The following MOSPD1 variants were observed in gnomAD, a reference collection of about 807,000 sequenced individuals.
MOSPD1 encodes the protein motile sperm domain-containing protein 1.
Under a neutral mutation model 16.7 loss-of-function variants are expected in MOSPD1, and 5 were observed. The observed-to-expected ratio is 0.30, with a 90% CI of 0.16 to 0.63. The LOEUF is 0.63. Among genes scored for constraint, MOSPD1 ranks in the 30% least tolerant of loss-of-function variants. The pLI is 0.82. For synonymous variants in MOSPD1, 67 were observed against 59.2 expected (o/e 1.13, Z -0.61); for missense variants, 104 against 153.6 (o/e 0.68, Z 1.71).
intron 4 of MOSPD1, among the ~76,000 whole-genome samples, chrX:134,893,345 T>C (rs1164968263): frequency 9.6e-6 from 1 of 104,125 alleles, no homozygotes; most frequent in Non-Finnish European, 2.0e-5. Flanking sequence ...CAGTTATTTA[T>C]GACAAGTACG....
intron 1 of MOSPD1, among the ~76,000 whole-genome samples, chrX:134,908,389 C>T (rs2082953837): frequency 8.9e-6 from 1 of 112,018 alleles, no homozygotes; most frequent in Non-Finnish European, 1.9e-5. Flanking sequence ...GGCTGCTCAC[C>T]ATGGGTTGGG....
intron 1 of MOSPD1, among the ~76,000 whole-genome samples, chrX:134,909,917 T>C (rs2082962293): frequency 9.2e-6 from 1 of 109,048 alleles, no homozygotes; most frequent in African/African-American, 3.4e-5. Context: ...AAAAAAAGAA[T>C]AACCTAATGT....
chrX:134,896,069 C>T (rs1399047491), intron 4 of MOSPD1, among the ~76,000 whole-genome samples: 1 of 111,230 alleles, frequency 9.0e-6, no homozygotes, highest in Non-Finnish European at 1.9e-5. Flanking sequence ...TATTCATGTA[C>T]CAGTATCACC....
chrX:134,902,516 G>C (rs770949726), intron 1 of MOSPD1, among the ~76,000 whole-genome samples: 8 of 111,270 alleles, frequency 7.2e-5, no homozygotes, highest in South Asian at 3.8e-4. Flanking sequence ...ACTAAGGCTA[G>C]ATGCGGTGGC....
Position 134,889,182 on chromosome X carries a change from T to G in MOSPD1, c.621A>C (p.Thr207=), listed in dbSNP as rs749292935. Residue 207 remains threonine, a synonymous_variant, in exon 6 of 6, where the codon ACA becomes ACC. Coordinates refer to ENST00000370783, the MANE Select transcript of MOSPD1 (RefSeq NM_019556.3). ...TTGCTCATGTTCTAAGTATGGCCAT[T>G]GTGATAAGACCTGAAAGAAGAAAAA... is the stretch of plus-strand genomic sequence containing the variant. ...LVAAYILGLI[T]MAILRT 24 of 1,194,157 alleles carry G rather than the reference T, an allele frequency of 2.0e-5. No homozygotes were observed. Among genetic ancestry groups the G allele is most frequent in the Non-Finnish European group, 2.6e-5 (23 of 884,807 alleles).
intron 1 of MOSPD1, among the ~76,000 whole-genome samples, chrX:134,909,193 C>G (rs936233563): frequency 9.2e-6 from 1 of 108,999 alleles, no homozygotes; most frequent in Non-Finnish European, 1.9e-5. Context: ...ATGGCGTGAA[C>G]CCGGGAGGCG....
At chrX:134,911,576 G>C (rs1197827042) in intron 1 of MOSPD1, among the ~76,000 whole-genome samples, 3 of 112,352 alleles carry the variant, frequency 2.7e-5, no homozygotes, top group African/African-American at 9.7e-5. Flanking sequence ...GCTTGCCTTG[G>C]CTTGTACGTG....
rs1381893642 is a variant in MOSPD1, at chrX:134,899,485, T to C, written c.-52A>G. The C allele has an allele frequency of 9.3e-7, 1 of 1,070,146 alleles. No homozygotes were observed. The highest frequency in any genetic ancestry group is 3.5e-5 in the Admixed American group (1 of 28,807). 88.2% of individuals were successfully genotyped at this position (1,070,146 alleles called of 1,213,427 possible). A position where few individuals can be genotyped will look rare whatever the true frequency, so the allele number is the denominator to read the frequency against. On this transcript the variant is annotated 5_prime_UTR_variant, in exon 2 of 6. Coordinates refer to ENST00000370783, the MANE Select transcript of MOSPD1 (RefSeq NM_019556.3). ...TTCTGTTTTTACAGTCTCAAATCTA[T>C]TTTGGACTTTTCTTAGATTCAGTTA...
At chrX:134,901,912 ATT>A (rs971300076) in intron 1 of MOSPD1, among the ~76,000 whole-genome samples, 1 of 112,234 alleles carries the variant, frequency 8.9e-6, no homozygotes, top group Non-Finnish European at 1.9e-5. Context: ...GCCTATCAAC[ATT>A]TTCTTAGTAA....
intron 4 of MOSPD1, among the ~76,000 whole-genome samples, chrX:134,896,083 A>T (rs1332719635): frequency 9.0e-6 from 1 of 111,720 alleles, no homozygotes; most frequent in African/African-American, 3.2e-5. Flanking sequence ...TATCACCATC[A>T]AAAAGTTTCC....
At chrX:134,910,418 TCA>T (rs1287884098) in intron 1 of MOSPD1, among the ~76,000 whole-genome samples, 1 of 109,430 alleles carries the variant, frequency 9.1e-6, no homozygotes, top group East Asian at 2.9e-4. Context: ...AAAAAAAAAA[TCA>T]CAGATTCACT....
intron 1 of MOSPD1, among the ~76,000 whole-genome samples, chrX:134,914,854 C>T (rs2082990181): frequency 8.9e-6 from 1 of 112,643 alleles, no homozygotes; most frequent in African/African-American, 3.2e-5. Flanking sequence ...CCGGGGCAAC[C>T]GAACTCCGTC....
rs1365911003 is a variant in MOSPD1 at position 134,891,507 on chromosome X, A to G, written c.582T>C (p.Asn194=). ...AGATATAAGCAGCCACTAATTTTTG[A>G]TTCACACTTAAGTGGAGGTAGAGAG... ...LVPLYLHLSV[N]QKLVAAYILG... is the part of the protein sequence containing the mutation. The change falls in exon 5 of 6, where the codon AAT becomes AAC. Residue 194 remains asparagine (N), a synonymous_variant. Coordinates refer to ENST00000370783, the MANE Select transcript of MOSPD1 (RefSeq NM_019556.3). 1.7e-6 allele frequency: 2 copies of G among 1,208,867 alleles called. No homozygotes were observed. The highest frequency in any genetic ancestry group is 3.5e-5 in the African/African-American group (2 of 56,891).
chrX:134,901,892 A>T (rs1013228954), intron 1 of MOSPD1, among the ~76,000 whole-genome samples: 2 of 112,010 alleles, frequency 1.8e-5, no homozygotes, highest in Non-Finnish European at 3.8e-5. Flanking sequence ...TTTTTGACTG[A>T]GCTGAAAGCG....
chrX:134,903,477 C>T (rs1461252993), intron 1 of MOSPD1, among the ~76,000 whole-genome samples: 1 of 109,021 alleles, frequency 9.2e-6, no homozygotes, highest in Non-Finnish European at 1.9e-5. Context: ...TTTGGGAGGC[C>T]GAGGTGGGCG....
Position 134,905,463 on chromosome X carries a change from T to C in MOSPD1, c.-101-5929A>G, listed in dbSNP as rs758242066. On this transcript the variant is annotated intron_variant, in intron 1 of 5. Transcript: ENST00000370783. Reference sequence around the variant, plus strand: ...TTGGAAGGATATCCGCGTTTGTCCCTGGAGAGAGAAATGGGGGTGGAAGGA... The same window carrying C: ...TTGGAAGGATATCCGCGTTTGTCCCCGGAGAGAGAAATGGGGGTGGAAGGA... Among the ~76,000 whole-genome samples the C allele has an allele frequency of 6.2e-3, 682 of 110,043 alleles. 6 individuals are homozygous for C. The highest frequency in any genetic ancestry group is 0.022 in the African/African-American group (662 of 30,292).
intron 1 of MOSPD1, among the ~76,000 whole-genome samples, chrX:134,904,401 G>A (rs1031338776): frequency 1.8e-5 from 2 of 112,226 alleles, no homozygotes; most frequent in Admixed American, 9.5e-5. Flanking sequence ...TCCAGAGATC[G>A]TACGTCTAGG....
intron 1 of MOSPD1, among the ~76,000 whole-genome samples, chrX:134,909,770 T>C (rs984588011): frequency 8.9e-6 from 1 of 111,904 alleles, no homozygotes; most frequent in African/African-American, 3.2e-5. Context: ...GACACTTTTG[T>C]TTTTATATAT....
chrX:134,890,536 T>C (rs958499119), intron 5 of MOSPD1, among the ~76,000 whole-genome samples: 2 of 110,885 alleles, frequency 1.8e-5, no homozygotes, highest in South Asian at 3.8e-4. Flanking sequence ...CGGCCAGGTG[T>C]GGTGGCTCAC....
Sources: allele counts gnomAD v4.1 joint callset (sites outside exome capture counted in the v4.1 genomes callset), GRCh38; gene constraint gnomAD v4.1.1; transcripts MANE v1.5; gene names NCBI Gene and HGNC (gene_info 2026-07-23, HGNC 2026-07-21).